Variants in RLF observed in about 807,000 individuals in gnomAD.
RLF encodes RLF zinc finger.
A neutral mutation model predicts 162.9 loss-of-function variants in RLF; 7 were observed. The ratio of observed to expected loss-of-function variants is 0.04; its 90% CI spans 0.02 to 0.08. The LOEUF (loss-of-function observed/expected upper bound fraction) is 0.08, where lower values mean the gene tolerates loss of function less well. Among genes scored for constraint, RLF ranks in the 10% least tolerant of loss-of-function variants. The probability of loss-of-function intolerance (pLI) is 1.00; values close to 1 mark genes in which losing one functional copy is unlikely to be tolerated. For missense variants in RLF, 1,664 were observed against 2,244.7 expected (o/e 0.74, Z 5.23); for synonymous variants, 782 against 791.5 (o/e 0.99, Z 0.20).
At position 40,222,629 on chromosome 1, in the gene RLF, A is replaced by G. The variant is rs1236758803; in HGVS notation, c.866A>G (p.Glu289Gly). ...GACATCATTTGTAATCTGGAATCTG[A>G]GGGGCAGGATAACACAGCATTTGTT... ...VLDIICNLES[E>G]GQDNTAFVLC... The change falls in exon 6 of 8, where the codon GAG becomes GGG. Residue 289 changes from glutamate (E) to glycine (G), a missense_variant. Glu to Gly is a moderately conservative substitution (Grantham distance 98). This residue lies in a region of RLF where 287 missense variants were observed against 404.9 expected (regional missense o/e 0.71). Coordinates refer to ENST00000372771, the MANE Select transcript of RLF (RefSeq NM_012421.4). The G allele has an allele frequency of 6.2e-7, 1 of 1,613,418 alleles. No homozygotes were observed. Among genetic ancestry groups the G allele is most frequent in the Non-Finnish European group, 8.5e-7 (1 of 1,179,766 alleles).
At chr1:40,202,148 G>A (rs1642726628) in intron 4 of RLF, among the ~76,000 whole-genome samples, 1 of 152,106 alleles carries the variant, frequency 6.6e-6, no homozygotes, top group African/African-American at 2.4e-5. Context: ...TTGATGTCTC[G>A]TAAGCATTCA....
chr1:40,216,793 G>A (rs776657659), intron 5 of RLF, among the ~76,000 whole-genome samples: 2 of 152,050 alleles, frequency 1.3e-5, no homozygotes, highest in East Asian at 3.9e-4. Context: ...GGTGTCTCAC[G>A]CCTGTACCAG....
intron 5 of RLF, among the ~76,000 whole-genome samples, chr1:40,208,956 A>G (rs1164031505): frequency 1.3e-5 from 2 of 152,216 alleles, no homozygotes; most frequent in African/African-American, 2.4e-5. Context: ...CTTTGCTTTT[A>G]TACATATTAA....
At position 40,173,757 on chromosome 1, in the gene RLF, C is replaced by T. The variant is rs147311276; in HGVS notation, c.237+12121C>T. ...CTCAAACTTCTGGCCTCAAGTGATCCGCCCACCTTGGCCTTCCGAAGTGCT... is the reference window on the plus strand; with the variant it reads ...CTCAAACTTCTGGCCTCAAGTGATCTGCCCACCTTGGCCTTCCGAAGTGCT... On this transcript the variant is annotated intron_variant, in intron 1 of 7. Transcript: ENST00000372771. 1.5e-3 allele frequency among the ~76,000 whole-genome samples: 235 copies of T among 152,236 alleles called. 2 individuals carry two copies. In the Middle Eastern group the frequency reaches 0.027, roughly 18 times the overall value.
intron 4 of RLF, 128 bp from the exon 5 acceptor site, chr1:40,202,284 T>G: frequency 1.6e-6 from 1 of 627,660 alleles, no homozygotes; most frequent in Non-Finnish European, 2.7e-6. Flanking sequence ...CAGAGTAAAC[T>G]TCTCATTTAT....
chr1:40,222,910 C>G (rs1643017401), intron 6 of RLF, among the ~76,000 whole-genome samples, 200 bp downstream of exon 6: 1 of 152,168 alleles, frequency 6.6e-6, no homozygotes, highest in African/African-American at 2.4e-5. Flanking sequence ...TCTTGATCAT[C>G]CCATAATGGG....
At chr1:40,182,788 G>GATAGATAGATAA (rs1436775571) in intron 1 of RLF, among the ~76,000 whole-genome samples, 15 of 151,650 alleles carry the variant, frequency 9.9e-5, no homozygotes, top group African/African-American at 3.6e-4. Flanking sequence ...TAGATAGATA[G>GATAGATAGATAA]ATAGAGTAAT....
chr1:40,180,725 A>G (rs1343362702), intron 1 of RLF, among the ~76,000 whole-genome samples: 5 of 152,062 alleles, frequency 3.3e-5, no homozygotes, highest in Non-Finnish European at 7.4e-5. Context: ...CTTCTGCCCA[A>G]TTTTTAATTG....
intron 5 of RLF, among the ~76,000 whole-genome samples, chr1:40,202,894 CT>C (rs1396568583): frequency 6.6e-6 from 1 of 151,898 alleles, no homozygotes; most frequent in Non-Finnish European, 1.5e-5. Context: ...GTTGTTTTTT[CT>C]TTTTAAAGTA....
chr1:40,201,494 C>T (rs1376253349), intron 4 of RLF, among the ~76,000 whole-genome samples: 24 of 151,616 alleles, frequency 1.6e-4, no homozygotes, highest in East Asian at 3.9e-4. Context: ...GGCATGGTGG[C>T]GGGCACCTGT....
intron 4 of RLF, among the ~76,000 whole-genome samples, chr1:40,196,536 A>G (rs1216185205): frequency 6.7e-6 from 1 of 149,602 alleles, no homozygotes; most frequent in African/African-American, 2.5e-5. Flanking sequence ...ACAAGGTTTT[A>G]CTCTGCTACC....
intron 1 of RLF, among the ~76,000 whole-genome samples, chr1:40,184,718 T>C (rs1420228214): frequency 6.6e-6 from 1 of 152,200 alleles, no homozygotes; most frequent in Non-Finnish European, 1.5e-5. Context: ...TTTTTACTTA[T>C]ATATCTGACC....
Position 40,235,892 on chromosome 1 carries a change from C to T in RLF, c.1190C>T (p.Thr397Ile). Residue 397 changes from threonine (T) to isoleucine (I), a missense_variant, in exon 8 of 8, where the codon ACA becomes ATA. Around this residue, in one of 15 missense-constraint regions of RLF, gnomAD observed 287 missense variants for 404.9 expected, o/e 0.71. Coordinates refer to ENST00000372771, the MANE Select transcript of RLF (RefSeq NM_012421.4). ...GAAATGAAGGCATCAGTTTGTAAAA[C>T]AATTGCCTGTCTTTTACCAGAAGAT... is the stretch of plus-strand genomic sequence containing the variant. ...DEEMKASVCK[T>I]IACLLPEDLE... is the part of the protein sequence containing the mutation. 6.2e-7 allele frequency: 1 copy of T among 1,614,012 alleles called. No homozygotes were observed. The highest frequency in any genetic ancestry group is 8.5e-7 in the Non-Finnish European group (1 of 1,179,936).
intron 1 of RLF, among the ~76,000 whole-genome samples, chr1:40,179,666 C>A (rs990258873): frequency 6.7e-6 from 1 of 150,190 alleles, no homozygotes; most frequent in African/African-American, 2.5e-5. Flanking sequence ...GTTGTGCAAC[C>A]ATTACCTCCA....
Position 40,200,897 on chromosome 1 carries a change from C to T in RLF, c.608-1515C>T, listed in dbSNP as rs937176735. Among the ~76,000 whole-genome samples, 233 of 119,380 alleles carry T rather than the reference C, an allele frequency of 2.0e-3. 1 individual carries two copies. Among genetic ancestry groups the T allele is most frequent in the African/African-American group, 8.5e-3 (224 of 26,450 alleles). 78.3% of individuals were successfully genotyped at this position (119,380 alleles called of 152,430 possible). A position where few individuals can be genotyped will look rare whatever the true frequency, so the allele number is the denominator to read the frequency against. ...ACACACACACACACACACACACACA[C>T]ACACACACACACACACACACACACA... On this transcript the variant is annotated intron_variant, in intron 4 of 7. Coordinates refer to ENST00000372771, the MANE Select transcript of RLF (RefSeq NM_012421.4).
intron 1 of RLF, among the ~76,000 whole-genome samples, chr1:40,180,268 CT>C (rs922853820): frequency 2.6e-5 from 4 of 151,706 alleles, no homozygotes; most frequent in Non-Finnish European, 4.4e-5. Flanking sequence ...CTTTTCTTTT[CT>C]TTTTTTTGAG....
Position 40,236,024 on chromosome 1 carries a change from A to T in RLF, c.1322A>T (p.Asp441Val). ...ELYLQPDQKF[D>V]EENAPVPNSL... is the part of the protein sequence containing the mutation. ...TATTTGCAACCAGATCAAAAATTTG[A>T]TGAAGAAAATGCACCGGTTCCAAAT... Residue 441 changes from aspartate to valine, a missense_variant, in exon 8 of 8, where the codon GAT (aspartate) becomes GTT (valine). Coordinates refer to ENST00000372771, the MANE Select transcript of RLF (RefSeq NM_012421.4). This position sits in a 1 kb window ranked among gnomAD's most constrained non-coding sequence, Gnocchi z 7.7. 1 of 1,613,290 alleles carries T rather than the reference A, an allele frequency of 6.2e-7. No homozygotes were observed. The highest frequency in any genetic ancestry group is 8.5e-7 in the Non-Finnish European group (1 of 1,179,802).
chr1:40,177,243 T>G (rs968189930), intron 1 of RLF, among the ~76,000 whole-genome samples: 1 of 152,000 alleles, frequency 6.6e-6, no homozygotes, highest in Non-Finnish European at 1.5e-5. Flanking sequence ...GTGCTGGGAT[T>G]ATCAGCATGA....
At chr1:40,179,431 G>C (rs1245222722) in intron 1 of RLF, among the ~76,000 whole-genome samples, 1 of 152,118 alleles carries the variant, frequency 6.6e-6, no homozygotes, top group Non-Finnish European at 1.5e-5. Flanking sequence ...AGAAATGGAG[G>C]ATGGTTTGAA....
Sources: gnomAD v4.1 joint callset for allele counts (sites outside exome capture counted in the v4.1 genomes callset) on GRCh38, gnomAD v4.1.1 for gene constraint, gnomAD v4.1.1 regional missense constraint, Gnocchi (gnomAD v3.1) non-coding constraint, MANE v1.5 for transcripts, NCBI Gene and HGNC (gene_info 2026-07-23, HGNC 2026-07-21) for gene names.